Variants in CTNNA2 observed in about 807,000 individuals in gnomAD.
The protein encoded by CTNNA2 is catenin alpha-2.
CTNNA2 carries 42 observed loss-of-function variants against 101.0 expected under a neutral mutation model. That is an observed-to-expected ratio of 0.42 (90% CI 0.32 to 0.54). The LOEUF (loss-of-function observed/expected upper bound fraction) is 0.54. Among genes scored for constraint, CTNNA2 ranks in the 20% least tolerant of loss-of-function variants. The pLI, the probability that CTNNA2 is intolerant of heterozygous loss-of-function variation, is 0.14. For missense variants in CTNNA2, 871 were observed against 1,223.1 expected, an observed-to-expected ratio of 0.71 and a Z score of 4.29; for synonymous variants, 450 against 456.4, an observed-to-expected ratio of 0.99 and a Z score of 0.18.
chr2:79,935,193 G>A (rs1687694961), intron 7 of CTNNA2, among the ~76,000 whole-genome samples: 1 of 152,066 alleles, frequency 6.6e-6, no homozygotes, highest in South Asian at 2.1e-4. Context: ...TTTTGATTCT[G>A]CTGACAGCCA....
At chr2:79,701,756 C>G (rs1685016936) in intron 2 of CTNNA2, among the ~76,000 whole-genome samples, 1 of 152,048 alleles carries the variant, frequency 6.6e-6, no homozygotes, top group African/African-American at 2.4e-5. Context: ...AATCCCAGCA[C>G]TTTGGAAGGC....
chr2:80,382,966 T>C (rs899353710), intron 7 of CTNNA2, among the ~76,000 whole-genome samples: 1 of 152,242 alleles, frequency 6.6e-6, no homozygotes, highest in Non-Finnish European at 1.5e-5. Flanking sequence ...GAATTTGCAC[T>C]TTTGCCTTAA....
At chr2:79,865,634 C>T (rs1408945166) in intron 4 of CTNNA2, among the ~76,000 whole-genome samples, 2 of 152,250 alleles carry the variant, frequency 1.3e-5, no homozygotes, top group East Asian at 3.8e-4. Flanking sequence ...CAATTCCACA[C>T]TATCCCATCC....
intron 7 of CTNNA2, among the ~76,000 whole-genome samples, chr2:80,348,848 G>A (rs72912824): frequency 0.03 from 4,606 of 152,162 alleles, 237 homozygotes; most frequent in African/African-American, 0.1. Context: ...GCTGGGTAGG[G>A]TAGCTTGAAA....
intron 4 of CTNNA2, among the ~76,000 whole-genome samples, chr2:79,863,303 G>A (rs1296878713): frequency 6.6e-6 from 1 of 152,148 alleles, no homozygotes; most frequent in Non-Finnish European, 1.5e-5. Flanking sequence ...GCTGGAAATG[G>A]GATCAGTTTA....
At chr2:79,607,031 G>A (rs1409218026) in intron 1 of CTNNA2, among the ~76,000 whole-genome samples, 4 of 152,146 alleles carry the variant, frequency 2.6e-5, no homozygotes, top group Admixed American at 1.3e-4. Context: ...AAGCCGAAGT[G>A]TATACTTTGT....
intron 2 of CTNNA2, among the ~76,000 whole-genome samples, chr2:79,299,323 T>C (rs1676053511): frequency 6.6e-6 from 1 of 152,194 alleles, no homozygotes; most frequent in South Asian, 2.1e-4. Context: ...TTTATTAGTT[T>C]GTTTAACCTG....
intron 2 of CTNNA2, among the ~76,000 whole-genome samples, chr2:79,741,147 G>T (rs986118543): frequency 6.6e-6 from 1 of 152,154 alleles, no homozygotes; most frequent in African/African-American, 2.4e-5. Context: ...ATTCCCAAGA[G>T]TGGTTAGTTT....
In CTNNA2 at chr2:80,513,655, C is replaced by T. The variant is rs763317933; in HGVS notation, c.1291-31327C>T. Among the ~76,000 whole-genome samples the T allele has an allele frequency of 4.6e-5, 7 of 152,154 alleles. No homozygotes were observed. The East Asian group carries it at 5.8e-4, about 13-fold the overall frequency. Reference sequence around the variant, plus strand: ...CTTTCTTGTCACATGATAGATGGAACGCATAGTCTGGAGGGTCTCAATTTT... The same window carrying T: ...CTTTCTTGTCACATGATAGATGGAATGCATAGTCTGGAGGGTCTCAATTTT... On this transcript the variant is annotated intron_variant, in intron 9 of 18. Coordinates refer to ENST00000402739, the MANE Select transcript of CTNNA2 (RefSeq NM_001282597.3).
intron 9 of CTNNA2, among the ~76,000 whole-genome samples, chr2:80,463,227 T>C (rs1684594724): frequency 6.6e-6 from 1 of 152,192 alleles, no homozygotes; most frequent in African/African-American, 2.4e-5. Flanking sequence ...CTGTTCCTTT[T>C]AAGTCCTTGT....
intron 4 of CTNNA2, among the ~76,000 whole-genome samples, chr2:79,384,245 C>A (rs1284670497): frequency 6.6e-6 from 1 of 152,182 alleles, no homozygotes; most frequent in East Asian, 1.9e-4. Flanking sequence ...CATCTCTTTT[C>A]TCAGTCTTAA....
intron 7 of CTNNA2, among the ~76,000 whole-genome samples, chr2:80,155,463 A>G (rs1333072233): frequency 6.6e-6 from 1 of 152,158 alleles, no homozygotes; most frequent in Non-Finnish European, 1.5e-5. Context: ...AAAATCATCT[A>G]CTTCATATCT....
chr2:79,765,276 CAA>C (rs1298871088), intron 3 of CTNNA2, among the ~76,000 whole-genome samples: 3 of 151,840 alleles, frequency 2.0e-5, no homozygotes, highest in Admixed American at 2.0e-4. Flanking sequence ...GACAGAAGAA[CAA>C]AAAAGAGTAT....
chr2:79,217,617 G>T (rs1483974112), intron 2 of CTNNA2, among the ~76,000 whole-genome samples: 1 of 152,150 alleles, frequency 6.6e-6, no homozygotes, highest in Non-Finnish European at 1.5e-5. Flanking sequence ...GTAGTGGAAT[G>T]TCATCAGTTA....
At chr2:79,486,049 C>A (rs2104560190) in intron 4 of CTNNA2, among the ~76,000 whole-genome samples, 1 of 152,118 alleles carries the variant, frequency 6.6e-6, no homozygotes, top group Admixed American at 6.5e-5. Context: ...AAAGTGAAAG[C>A]TGATTTAAAA....
At position 79,321,965 on chromosome 2, in the gene CTNNA2, C is replaced by G. The variant is rs550162379; in HGVS notation, c.-318+9169C>G. Among the ~76,000 whole-genome samples, 5 of 152,326 alleles carry G rather than the reference C, an allele frequency of 3.3e-5. 1 individual carries two copies. In the East Asian group the frequency reaches 9.6e-4, roughly 29 times the overall value. ...ATCCCAGCAGACATATGATCCCCAA[C>G]TATGCCACTACTGAGCATTTGAAGT... is the stretch of plus-strand genomic sequence containing the variant. On this transcript the variant is annotated intron_variant, in intron 3 of 21. Transcript: ENST00000466387.
chr2:80,539,328 T>C (rs1260973666), intron 9 of CTNNA2, among the ~76,000 whole-genome samples: 2 of 61,448 alleles, frequency 3.3e-5, no homozygotes, highest in Non-Finnish European at 7.9e-5. Context: ...TTTTTTGTTG[T>C]TGTTGTTGTT....
intron 7 of CTNNA2, among the ~76,000 whole-genome samples, chr2:79,913,868 T>C (rs1685985400): frequency 6.6e-6 from 1 of 152,142 alleles, no homozygotes; most frequent in Non-Finnish European, 1.5e-5. Context: ...TACTTGGGTG[T>C]TGAAAGTAGC....
At chr2:79,980,138 C>G (rs930658548) in intron 7 of CTNNA2, among the ~76,000 whole-genome samples, 2 of 152,102 alleles carry the variant, frequency 1.3e-5, no homozygotes, top group African/African-American at 4.8e-5. Context: ...TCTTTTTCTT[C>G]TAGACCCAGT....
Sources: gnomAD v4.1 joint callset for allele counts (sites outside exome capture counted in the v4.1 genomes callset) on GRCh38, gnomAD v4.1.1 for gene constraint, MANE v1.5 for transcripts, NCBI Gene and HGNC (gene_info 2026-07-23, HGNC 2026-07-21) for gene names.